Variants in GRM7 observed in about 807,000 individuals in gnomAD.
The protein encoded by GRM7 is glutamate metabotropic receptor 7, also known as metabotropic glutamate receptor 7.
GRM7 carries 35 observed loss-of-function variants against 84.5 expected under a neutral mutation model. That is an observed-to-expected ratio of 0.41 (90% CI 0.32 to 0.55). The LOEUF (loss-of-function observed/expected upper bound fraction) is 0.55, where lower values mean the gene tolerates loss of function less well. Among genes scored for constraint, GRM7 ranks in the 20% least tolerant of loss-of-function variants. The probability of loss-of-function intolerance (pLI) is 0.19; values close to 1 mark genes in which losing one functional copy is unlikely to be tolerated. For synonymous variants in GRM7, 487 were observed against 455.1 expected (o/e 1.07, Z -0.89); for missense variants, 1,003 against 1,194.6 (o/e 0.84, Z 2.36).
At chr3:7,461,556 A>G (rs754968419) in intron 6 of GRM7, 27 bp from the exon 7 acceptor site, 1 of 1,593,310 alleles carries the variant, frequency 6.3e-7, no homozygotes, top group South Asian at 1.1e-5. Context: ...TAACTTTAGA[A>G]TCTTTCATTT....
intron 8 of GRM7, among the ~76,000 whole-genome samples, chr3:7,666,081 T>C (rs2125128066): frequency 6.6e-6 from 1 of 152,256 alleles, no homozygotes; most frequent in Non-Finnish European, 1.5e-5. Flanking sequence ...CTGATGATTA[T>C]ATATACTGTG....
chr3:6,981,485 G>C (rs953050963), intron 1 of GRM7, among the ~76,000 whole-genome samples: 4 of 152,124 alleles, frequency 2.6e-5, no homozygotes, highest in Non-Finnish European at 5.9e-5. Context: ...GTATCCAGAG[G>C]CTGATGTTGG....
At chr3:7,285,882 G>T (rs1267978214) in intron 2 of GRM7, among the ~76,000 whole-genome samples, 1 of 152,086 alleles carries the variant, frequency 6.6e-6, no homozygotes, top group African/African-American at 2.4e-5. Context: ...TGATTTTAAT[G>T]TGAGTGGATA....
In GRM7 at chr3:7,010,172, C is replaced by T. The variant is rs768426389; in HGVS notation, c.520-136280C>T. Among the ~76,000 whole-genome samples, 10 of 152,200 alleles carry T rather than the reference C, an allele frequency of 6.6e-5. No homozygotes were observed. In the South Asian group the frequency reaches 8.3e-4, roughly 13 times the overall value. ...TCTGGGCCGGGCCAGTAGCTCGGGA[C>T]GGGCATGGTGCCTTACGCCTGTAAT... On this transcript the variant is annotated intron_variant, in intron 1 of 9. Coordinates refer to ENST00000357716, the MANE Select transcript of GRM7 (RefSeq NM_000844.4).
intron 5 of GRM7, among the ~76,000 whole-genome samples, chr3:7,420,035 T>C (rs912400285): frequency 6.6e-6 from 1 of 152,200 alleles, no homozygotes; most frequent in Non-Finnish European, 1.5e-5. Flanking sequence ...GCTGTGTTTT[T>C]CTTTACACCT....
intron 8 of GRM7, among the ~76,000 whole-genome samples, chr3:7,589,875 C>T (rs1178725134): frequency 6.6e-6 from 1 of 152,086 alleles, no homozygotes; most frequent in Non-Finnish European, 1.5e-5. Context: ...CCTGTGTGCT[C>T]CCATTCAGCT....
intron 9 of GRM7, among the ~76,000 whole-genome samples, chr3:7,714,790 C>T (rs935742617): frequency 7.2e-5 from 11 of 152,162 alleles, no homozygotes; most frequent in Admixed American, 1.3e-4. Context: ...CATTTCCTTG[C>T]GAGACCAAAG....
At chr3:6,921,392 C>T (rs1575016653) in intron 1 of GRM7, among the ~76,000 whole-genome samples, 1 of 152,156 alleles carries the variant, frequency 6.6e-6, no homozygotes, top group East Asian at 1.9e-4. Flanking sequence ...TTCAATAAGC[C>T]AAGTCCTTTT....
intron 8 of GRM7, among the ~76,000 whole-genome samples, chr3:7,624,945 A>G (rs1373130597): frequency 2.0e-5 from 3 of 152,178 alleles, no homozygotes; most frequent in Non-Finnish European, 4.4e-5. Flanking sequence ...CCAAGAATAA[A>G]TGAGAGTTGG....
chr3:7,251,613 G>A (rs1342467874), intron 2 of GRM7, among the ~76,000 whole-genome samples: 1 of 152,126 alleles, frequency 6.6e-6, no homozygotes, highest in Admixed American at 6.5e-5. Context: ...ATACTTGTGA[G>A]ACAGATCTGT....
intron 9 of GRM7, 199 bp downstream of exon 9, chr3:7,680,494 G>A (rs2125141096): frequency 1.7e-6 from 1 of 579,082 alleles, no homozygotes; most frequent in East Asian, 3.0e-5. Flanking sequence ...TTGTTGGAAA[G>A]AAGCTTTTGG....
intron 2 of GRM7, among the ~76,000 whole-genome samples, chr3:7,203,281 C>T (rs1378990836): frequency 1.3e-5 from 2 of 152,132 alleles, no homozygotes; most frequent in African/African-American, 4.8e-5. Flanking sequence ...TCAAGTGTAG[C>T]TCTCACATAT....
Position 7,449,381 on chromosome 3 carries a change from C to T in GRM7, c.1175-3226C>T, listed in dbSNP as rs1340211877. Reference sequence around the variant, plus strand: ...ATAGGAAGATTCAACTTCAGCAAGGCTTCTGTTCTAGGTGAGTTTATTTTT... The same window carrying T: ...ATAGGAAGATTCAACTTCAGCAAGGTTTCTGTTCTAGGTGAGTTTATTTTT... On this transcript the variant is annotated intron_variant, in intron 5 of 9. Coordinates refer to ENST00000357716, the MANE Select transcript of GRM7 (RefSeq NM_000844.4). Among the ~76,000 whole-genome samples the T allele has an allele frequency of 3.3e-5, 5 of 152,220 alleles. No homozygotes were observed. The East Asian group carries it at 9.6e-4, about 29-fold the overall frequency.
At chr3:7,372,798 T>C (rs1694194224) in intron 4 of GRM7, among the ~76,000 whole-genome samples, 1 of 152,120 alleles carries the variant, frequency 6.6e-6, no homozygotes, top group African/African-American at 2.4e-5. Flanking sequence ...ATGTGGTGTA[T>C]GTGACAGGGG....
In GRM7 at chr3:7,229,739, ATATATATATATATATATATATTT is replaced by A. The variant is rs1697108588; in HGVS notation, c.737-68943_737-68921del. On this transcript the variant is annotated intron_variant, in intron 2 of 9. Coordinates refer to ENST00000357716, the MANE Select transcript of GRM7 (RefSeq NM_000844.4). ...CATAGACACACACATATATATATATATATATATATATATATATATATTTTTTTTTTTTTTTGGTTGACAGGTGT... is the reference window on the plus strand; with the variant it reads ...CATAGACACACACATATATATATATATTTTTTTTTTTTGGTTGACAGGTGT... Among the ~76,000 whole-genome samples the A allele has an allele frequency of 2.7e-4, 7 of 26,244 alleles. No individual in the cohort carries two copies. In the East Asian group the frequency reaches 5.7e-3, roughly 21 times the overall value. 17.2% of individuals were successfully genotyped at this position (26,244 alleles called of 152,430 possible). A position where few individuals can be genotyped will look rare whatever the true frequency, so the allele number is the denominator to read the frequency against.
At chr3:7,588,716 C>A (rs1559423190) in intron 8 of GRM7, among the ~76,000 whole-genome samples, 1 of 152,130 alleles carries the variant, frequency 6.6e-6, no homozygotes, top group Non-Finnish European at 1.5e-5. Context: ...TCTCTATATA[C>A]CTGAAGGAGG....
intron 1 of GRM7, among the ~76,000 whole-genome samples, chr3:6,913,145 C>T (rs901789057): frequency 2.6e-5 from 4 of 152,088 alleles, no homozygotes; most frequent in African/African-American, 9.7e-5. Flanking sequence ...CTATTGTGTC[C>T]ATTTATCTTT....
chr3:7,365,828 C>A (rs1693866653), intron 4 of GRM7, among the ~76,000 whole-genome samples: 1 of 150,988 alleles, frequency 6.6e-6, no homozygotes, highest in African/African-American at 2.4e-5. Flanking sequence ...GCAAACTTCT[C>A]TTTGGAGGAG....
intron 7 of GRM7, among the ~76,000 whole-genome samples, chr3:7,538,086 G>C (rs1262998562): frequency 6.6e-6 from 1 of 152,022 alleles, no homozygotes; most frequent in East Asian, 1.9e-4. Flanking sequence ...TTTCTGCCTA[G>C]GTTGTTACTG....
Sources: gnomAD v4.1 joint callset for allele counts (sites outside exome capture counted in the v4.1 genomes callset) on GRCh38, gnomAD v4.1.1 for gene constraint, MANE v1.5 for transcripts, NCBI Gene and HGNC (gene_info 2026-07-23, HGNC 2026-07-21) for gene names.